KCNH3: variants seen among roughly 807,000 people sequenced by gnomAD.
The protein encoded by KCNH3 is voltage-gated inwardly rectifying potassium channel KCNH3.
In KCNH3, 36 loss-of-function variants were observed where a neutral mutation model predicts 95.6. The ratio of observed to expected loss-of-function variants is 0.38; its 90% CI spans 0.29 to 0.50. The LOEUF (loss-of-function observed/expected upper bound fraction) is 0.50, where lower values mean the gene tolerates loss of function less well. KCNH3 is among the 20% of genes least tolerant of loss of function. The pLI, the probability that KCNH3 is intolerant of heterozygous loss-of-function variation, is 0.95. For missense variants in KCNH3, 1,030 were observed against 1,484.1 expected, an observed-to-expected ratio of 0.69 and a Z score of 5.03; for synonymous variants, 620 against 646.3, an observed-to-expected ratio of 0.96 and a Z score of 0.62.
chr12:49,543,599 G>C (rs1175488012), intron 5 of KCNH3, 81 bp downstream of exon 5: 14 of 1,525,398 alleles, frequency 9.2e-6, no homozygotes, highest in Non-Finnish European at 1.1e-5. Context: ...TGGCTTCCAG[G>C]GTGCTACAGT....
chr12:49,555,223 G>A (rs1043798113), intron 11 of KCNH3, among the ~76,000 whole-genome samples: 2 of 150,716 alleles, frequency 1.3e-5, no homozygotes, highest in East Asian at 2.0e-4. Flanking sequence ...GGTGGATCAC[G>A]AGGTCAGGAG....
chr12:49,541,138 G>T lies in KCNH3; in HGVS notation c.310+6G>T. The T allele has an allele frequency of 2.5e-6, 4 of 1,594,986 alleles. No homozygotes were observed. Among genetic ancestry groups the T allele is most frequent in the Non-Finnish European group, 3.4e-6 (4 of 1,174,996 alleles). On this transcript the variant is annotated splice_donor_region_variant and intron_variant, in intron 2 of 14. Transcript: ENST00000257981. Reference sequence around the variant, plus strand: ...GATCCTGTACCGGAAGAGCGGTGAGGGGCCACCTGGCCAGCCTGCCTCACC... The same window carrying T: ...GATCCTGTACCGGAAGAGCGGTGAGTGGCCACCTGGCCAGCCTGCCTCACC...
chr12:49,543,282 T>C lies in KCNH3; in HGVS notation c.587T>C (p.Phe196Ser), dbSNP rs1345630768. ...KGKHKLNKGV[F>S]GEKPNLPEYK... ...CTGCCCTGCCTCACTCAGGGGGTGT[T>C]TGGGGAGAAACCAAACTTGCCTGAG... The change falls in exon 5 of 15, where the codon TTT becomes TCT. Residue 196 changes from phenylalanine to serine, a missense_variant. Phe to Ser is a radical substitution (Grantham distance 155, BLOSUM62 -2). This residue lies in a region of KCNH3 where 92 missense variants were observed against 92.7 expected (regional missense o/e 0.99). Coordinates refer to ENST00000257981, the MANE Select transcript of KCNH3 (RefSeq NM_012284.3). 1.9e-6 allele frequency: 3 copies of C among 1,613,482 alleles called. No homozygotes were observed. Among genetic ancestry groups the C allele is most frequent in the Non-Finnish European group, 1.7e-6 (2 of 1,180,008 alleles).
In KCNH3 at chr12:49,540,958, T is replaced by C. The variant is rs1312429048; in HGVS notation, c.136T>C (p.Ser46Pro). 1 of 1,614,214 alleles carries C rather than the reference T, an allele frequency of 6.2e-7. No homozygotes were observed. Among genetic ancestry groups the C allele is most frequent in the Admixed American group, 1.7e-5 (1 of 60,028 alleles). The change falls in exon 2 of 15, where the codon TCT becomes CCT. Residue 46 changes from serine to proline, a missense_variant. Coordinates refer to ENST00000257981, the MANE Select transcript of KCNH3 (RefSeq NM_012284.3). ...VAGLFPVVYC[S>P]DGFCDLTGFS... ...GGGGCTCTTCCCCGTGGTCTACTGC[T>C]CTGATGGCTTCTGTGACCTCACGGG...
intron 13 of KCNH3, 77 bp downstream of exon 13, chr12:49,556,553 G>C: frequency 1.9e-6 from 2 of 1,041,936 alleles, no homozygotes; most frequent in Admixed American, 3.7e-5. Flanking sequence ...GTTGACCTCT[G>C]AGCCTTCAAT....
At chr12:49,540,553 G>C (rs1592496453) in intron 1 of KCNH3, among the ~76,000 whole-genome samples, 1 of 152,262 alleles carries the variant, frequency 6.6e-6, no homozygotes, top group Admixed American at 6.5e-5. Flanking sequence ...TGGGGCTGAG[G>C]CTGGCCCAGA....
chr12:49,547,461 C>T (rs1210857516), intron 7 of KCNH3, among the ~76,000 whole-genome samples: 1 of 152,234 alleles, frequency 6.6e-6, no homozygotes, highest in Non-Finnish European at 1.5e-5. Flanking sequence ...AAACCAAGCA[C>T]AAATGTCCCT....
At chr12:49,542,148 G>A (rs932419619) in intron 3 of KCNH3, among the ~76,000 whole-genome samples, 2 of 152,186 alleles carry the variant, frequency 1.3e-5, no homozygotes, top group Admixed American at 6.5e-5. Context: ...TAAGTTCTTC[G>A]AGTCTTTCCC....
At chr12:49,546,687 C>G (rs962533697) in intron 7 of KCNH3, among the ~76,000 whole-genome samples, 13 of 152,246 alleles carry the variant, frequency 8.5e-5, no homozygotes, top group African/African-American at 2.6e-4. Flanking sequence ...CTGGCCTGAC[C>G]CCGCCCACCT....
In KCNH3 at chr12:49,543,983, A is replaced by G. The variant is rs1937964084; in HGVS notation, c.892A>G (p.Ile298Val). ...SGQVVFAPKS[I>V]CLHYVTTWFL... is the part of the protein sequence containing the mutation. ...CCAGGTGGTGTTTGCCCCAAAGTCCATTTGCCTCCACTACGTCACCACCTG... is the reference window on the plus strand; with the variant it reads ...CCAGGTGGTGTTTGCCCCAAAGTCCGTTTGCCTCCACTACGTCACCACCTG... Residue 298 changes from isoleucine (I) to valine (V), a missense_variant, in exon 6 of 15, where the codon ATT (isoleucine) becomes GTT (valine). Around this residue, in one of 9 missense-constraint regions of KCNH3, gnomAD observed 153 missense variants for 288.5 expected, o/e 0.53. Coordinates refer to ENST00000257981, the MANE Select transcript of KCNH3 (RefSeq NM_012284.3). 1.2e-6 allele frequency: 2 copies of G among 1,613,840 alleles called. No individual in the cohort carries two copies. Among genetic ancestry groups the G allele is most frequent in the Non-Finnish European group, 1.7e-6 (2 of 1,179,862 alleles).
Position 49,542,757 on chromosome 12 carries a change from A to G in KCNH3, c.497A>G (p.Asn166Ser). Residue 166 changes from asparagine to serine, a missense_variant, in exon 4 of 15, where the codon AAC becomes AGC. Transcript: ENST00000257981. ...GRARSKGFNA[N>S]RRRSRAVLYH... ...GCACGATCCAAAGGCTTCAATGCCA[A>G]CCGGCGGCGGAGCCGGGCCGTGCTC... is the stretch of plus-strand genomic sequence containing the variant. 6.3e-7 allele frequency: 1 copy of G among 1,590,784 alleles called. No homozygotes were observed. Among genetic ancestry groups the G allele is most frequent in the Non-Finnish European group, 8.5e-7 (1 of 1,169,724 alleles).
In KCNH3 at chr12:49,544,183, G is replaced by T. The variant is rs531425314; in HGVS notation, c.990G>T (p.Gly330=). ...LHAFKVNVYF[G]AHLLKTVRLL... is the part of the protein sequence containing the mutation. ...CCCTCCCCGCATCTCAGTACTTCGG[G>T]GCCCATCTGCTGAAGACGGTGCGCC... Residue 330 remains glycine (G), a synonymous_variant, in exon 7 of 15, where the codon GGG becomes GGT. Transcript: ENST00000257981. 1.3e-6 allele frequency: 2 copies of T among 1,583,054 alleles called. No individual in the cohort carries two copies. Among genetic ancestry groups the T allele is most frequent in the South Asian group, 2.2e-5 (2 of 89,306 alleles).
intron 6 of KCNH3, 34 bp from the exon 7 acceptor site, chr12:49,544,141 T>TACCAACCAAACC: frequency 1.4e-6 from 2 of 1,413,418 alleles, no homozygotes; most frequent in Non-Finnish European, 1.9e-6. Context: ...CCCGCTGACC[T>TACCAACCAAACC]CCCTCCCTCC....
Position 49,543,955 on chromosome 12 carries a change from G to C in KCNH3, c.864G>C (p.Ser288=), listed in dbSNP as rs760207096. The C allele has an allele frequency of 8.1e-6, 13 of 1,613,042 alleles. No individual in the cohort carries two copies. In the African/African-American group the frequency reaches 1.1e-4, roughly 13 times the overall value. The change falls in exon 6 of 15, where the codon TCG becomes TCC. Residue 288 remains serine, a synonymous_variant. Transcript: ENST00000257981. ...LNFRTTFVSK[S]GQVVFAPKSI... is the part of the protein sequence containing the mutation. ...TCCGTACCACATTCGTGTCCAAGTC[G>C]GGCCAGGTGGTGTTTGCCCCAAAGT...
chr12:49,543,697 C>T (rs1937953219), intron 5 of KCNH3, 179 bp downstream of exon 5: 2 of 1,060,554 alleles, frequency 1.9e-6, no homozygotes, highest in Admixed American at 5.6e-5. Flanking sequence ...GTTATATGAC[C>T]TTGAGCTGGT....
intron 7 of KCNH3, among the ~76,000 whole-genome samples, chr12:49,546,647 G>T (rs1187111684): frequency 6.6e-6 from 1 of 152,192 alleles, no homozygotes; most frequent in African/African-American, 2.4e-5. Flanking sequence ...TCCTTGGTGT[G>T]CGAGCCCCCA....
chr12:49,553,991 C>G (rs1188504439), intron 10 of KCNH3, among the ~76,000 whole-genome samples: 1 of 152,220 alleles, frequency 6.6e-6, no homozygotes, highest in Non-Finnish European at 1.5e-5. Flanking sequence ...CTGACTTTTG[C>G]AGGGGATTCT....
chr12:49,557,397 T>C lies in KCNH3; in HGVS notation c.2696T>C (p.Leu899Pro). Reference protein sequence around the residue: ...SEQVLQMREGLQSLRQAVQLV... With the variant: ...SEQVLQMREGPQSLRQAVQLV... ...CAGGTGCTGCAGATGCGGGAAGGAC[T>C]GCAGTCACTTCGCCAGGCTGTGCAG... Residue 899 changes from leucine to proline, a missense_variant, in exon 15 of 15, where the codon CTG (leucine) becomes CCG (proline). Leu to Pro is a moderately conservative substitution (Grantham distance 98). Around this residue, in one of 9 missense-constraint regions of KCNH3, gnomAD observed 464 missense variants for 493.2 expected, o/e 0.94. Transcript: ENST00000257981. 2.5e-6 allele frequency: 4 copies of C among 1,600,484 alleles called. No homozygotes were observed. Among genetic ancestry groups the C allele is most frequent in the Non-Finnish European group, 2.6e-6 (3 of 1,171,148 alleles).
Position 49,557,740 on chromosome 12 carries a change from C to T in KCNH3, c.3039C>T (p.Ser1013=), listed in dbSNP as rs758627922. The change falls in exon 15 of 15, where the codon AGC becomes AGT. Residue 1013 remains serine, a synonymous_variant. Transcript: ENST00000257981. ...CAGGAGACCTCTGCTCTGAGCCCAG[C>T]ACCCCTGCCTCCCCTCCTCCTTCTG... ...PASGDLCSEP[S]TPASPPPSEE... 23 of 1,613,390 alleles carry T rather than the reference C, an allele frequency of 1.4e-5. No individual in the cohort carries two copies. The highest frequency in any genetic ancestry group is 8.3e-5 in the Admixed American group (5 of 59,974).
Sources: allele counts gnomAD v4.1 joint callset (sites outside exome capture counted in the v4.1 genomes callset), GRCh38; gene constraint gnomAD v4.1.1; regional missense constraint gnomAD v4.1.1; transcripts MANE v1.5; gene names NCBI Gene and HGNC (gene_info 2026-07-23, HGNC 2026-07-21).